Variants in COL10A1 observed in about 807,000 individuals in gnomAD.
COL10A1 encodes collagen type X alpha 1 chain.
COL10A1 carries 10 observed loss-of-function variants against 18.2 expected under a neutral mutation model. The ratio of observed to expected loss-of-function variants is 0.55; its 90% confidence interval spans 0.34 to 0.93. The LOEUF is 0.93. COL10A1 is among the 40% of genes least tolerant of loss of function. The pLI, the probability that COL10A1 is intolerant of heterozygous loss-of-function variation, is 0.02. For missense variants in COL10A1, 897 were observed against 853.5 expected, an observed-to-expected ratio of 1.05 and a Z score of -0.64; for synonymous variants, 330 against 316.6, an observed-to-expected ratio of 1.04 and a Z score of -0.45.
At chr6:116,182,614 G>C in the COL10A1 span, among the ~76,000 whole-genome samples, 1 of 151,910 alleles carries the variant, frequency 6.6e-6, no homozygotes, top group East Asian at 1.9e-4. Context: ...TATGGTTTTG[G>C]TTTGCATTTC....
chr6:116,121,480 T>G lies in COL10A1; in HGVS notation c.636A>C (p.Gly212=). 1 of 1,614,052 alleles carries G rather than the reference T, an allele frequency of 6.2e-7. No individual in the cohort carries two copies. Among genetic ancestry groups the G allele is most frequent in the South Asian group, 1.1e-5 (1 of 91,068 alleles). ...TTCCCACTCCAGGAGGGCCAGATGG[T>G]CCTGTGGGACCCTGAGGGCCTGGAA... The part of the protein sequence containing the change: ...RGLPGPQGPT[G]PSGPPGVGKR... Residue 212 remains glycine (G), a synonymous_variant, in exon 3 of 3, where the codon GGA becomes GGC. Transcript: ENST00000651968.
chr6:116,155,710 AAAC>A (rs947957192), intron 1 of COL10A1, among the ~76,000 whole-genome samples: 28 of 151,274 alleles, frequency 1.9e-4, no homozygotes, highest in Admixed American at 1.8e-3. Context: ...CTGGGTGAAT[AAAC>A]AACACTGCAT....
Position 116,153,141 on chromosome 6 carries a change from A to AT in COL10A1, c.-16+5472dup, listed in dbSNP as rs1055744581. On this transcript the variant is annotated intron_variant, in intron 1 of 1. Coordinates refer to the COL10A1 transcript ENST00000418500. ...TACACAAATATATGTATATACATAC[A>AT]TATTCACACATACTACAAATATACA... Among the ~76,000 whole-genome samples the AT allele has an allele frequency of 2.3e-3, 345 of 152,092 alleles. 2 individuals carry two copies. Among genetic ancestry groups the AT allele is most frequent in the African/African-American group, 8.2e-3 (339 of 41,532 alleles).
chr6:116,181,059 T>TTG, the COL10A1 span, among the ~76,000 whole-genome samples: 1 of 151,168 alleles, frequency 6.6e-6, no homozygotes, highest in African/African-American at 2.5e-5. Context: ...ATATGGTATC[T>TTG]TGAATTTACT....
intron 1 of COL10A1, 58 bp from the exon 2 acceptor site, chr6:116,125,565 C>G (rs1041900163): frequency 6.6e-7 from 1 of 1,518,338 alleles, no homozygotes; most frequent in Non-Finnish European, 9.1e-7. Context: ...TTTTTTTATT[C>G]TCATGTTTCA....
At chr6:116,166,244 C>A in the COL10A1 span, among the ~76,000 whole-genome samples, 10 of 152,290 alleles carry the variant, frequency 6.6e-5, no homozygotes, top group South Asian at 1.7e-3. Context: ...TGGCTATCTT[C>A]CCTAAGCTTT....
At chr6:116,163,141 A>AAAAAAAATATATAT (rs761718922), upstream of COL10A1, among the ~76,000 whole-genome samples, 4 of 88,386 alleles carry the variant, frequency 4.5e-5, no homozygotes, top group African/African-American at 2.3e-4. Flanking sequence ...AAAAAAAAAA[A>AAAAAAAATATATAT]ATATATATAT....
chr6:116,207,733 T>C, the COL10A1 span, among the ~76,000 whole-genome samples: 1 of 151,904 alleles, frequency 6.6e-6, no homozygotes, highest in Non-Finnish European at 1.5e-5. Context: ...CAGCCATTAC[T>C]CAACTGTGAA....
the COL10A1 span, among the ~76,000 whole-genome samples, chr6:116,179,501 A>AAGAT: frequency 1.6e-4 from 25 of 152,180 alleles, no homozygotes; most frequent in Non-Finnish European, 2.9e-4. Context: ...TTCTCTAAAG[A>AAGAT]AGATATGCAA....
At chr6:116,138,196 C>T (rs997056368) in intron 1 of COL10A1, among the ~76,000 whole-genome samples, 11 of 152,110 alleles carry the variant, frequency 7.2e-5, no homozygotes, top group African/African-American at 2.7e-4. Flanking sequence ...ATAGCAGCCC[C>T]GTGAAGTAGG....
intron 1 of COL10A1, 24 bp downstream of exon 1, chr6:116,126,029 G>A (rs549422546): frequency 7.0e-5 from 11 of 156,218 alleles, no homozygotes; most frequent in African/African-American, 2.6e-4. Context: ...TAACATGGAA[G>A]TCCACCAGTA....
At chr6:116,207,182 C>G in the COL10A1 span, among the ~76,000 whole-genome samples, 1 of 151,964 alleles carries the variant, frequency 6.6e-6, no homozygotes, top group East Asian at 1.9e-4. Flanking sequence ...CTGCCTACAG[C>G]AGATTTCTTC....
upstream of COL10A1, among the ~76,000 whole-genome samples, chr6:116,163,133 AAAAAAAAAATATATAT>A (rs1227165424): frequency 4.9e-4 from 45 of 92,558 alleles, no homozygotes; most frequent in South Asian, 7.8e-4. Context: ...TCTCAAAAAA[AAAAAAAAAATATATAT>A]ATATATATAT....
intron 1 of COL10A1, among the ~76,000 whole-genome samples, chr6:116,139,563 A>G (rs1779711801): frequency 1.3e-5 from 2 of 152,156 alleles, no homozygotes; most frequent in Non-Finnish European, 2.9e-5. Flanking sequence ...TAATAAGTGT[A>G]TTGGAATATT....
the COL10A1 span, among the ~76,000 whole-genome samples, chr6:116,172,224 TATA>T: frequency 6.6e-6 from 1 of 152,080 alleles, no homozygotes; most frequent in East Asian, 1.9e-4. Context: ...TTACATAGTA[TATA>T]ATAAGTGGTT....
At chr6:116,145,686 T>C (rs1024560319) in intron 1 of COL10A1, among the ~76,000 whole-genome samples, 1 of 152,272 alleles carries the variant, frequency 6.6e-6, no homozygotes, top group African/African-American at 2.4e-5. Flanking sequence ...AAAATCAAAT[T>C]TGTATCTTCC....
chr6:116,154,029 CTTTTTT>C (rs34356532), intron 1 of COL10A1, among the ~76,000 whole-genome samples: 1 of 122,336 alleles, frequency 8.2e-6, no homozygotes, highest in South Asian at 2.7e-4. Flanking sequence ...GGGAAGATTT[CTTTTTT>C]TTTTTTTTTT....
intron 1 of COL10A1, among the ~76,000 whole-genome samples, chr6:116,132,421 A>G (rs1582823285): frequency 6.6e-6 from 1 of 152,014 alleles, no homozygotes; most frequent in Admixed American, 6.6e-5. Flanking sequence ...GTTCTGTGAT[A>G]TAGTTTTCAC....
At chr6:116,216,755 T>C in the COL10A1 span, among the ~76,000 whole-genome samples, 1 of 152,130 alleles carries the variant, frequency 6.6e-6, no homozygotes, top group African/African-American at 2.4e-5. Flanking sequence ...ACAAAATAAA[T>C]TTATCTCTTT....
Sources: gnomAD v4.1 joint callset for allele counts (sites outside exome capture counted in the v4.1 genomes callset) on GRCh38, gnomAD v4.1.1 for gene constraint, MANE v1.5 for transcripts, NCBI Gene and HGNC (gene_info 2026-07-23, HGNC 2026-07-21) for gene names.